The following SLC29A4 variants were observed in gnomAD, a reference collection of about 807,000 sequenced individuals.
SLC29A4 encodes the protein solute carrier family 29 member 4, also known as equilibrative nucleoside transporter 4.
A neutral mutation model predicts 43.9 loss-of-function variants in SLC29A4; 36 were observed. The observed-to-expected ratio is 0.82, with a 90% CI of 0.63 to 1.08. The LOEUF (loss-of-function observed/expected upper bound fraction) is 1.08, where lower values mean the gene tolerates loss of function less well. Among genes scored for constraint, SLC29A4 ranks in the 50% least tolerant of loss-of-function variants. SLC29A4 has a pLI of 0.00. For missense variants in SLC29A4, 869 were observed against 755.3 expected (o/e 1.15, Z -1.77); for synonymous variants, 491 against 338.0 (o/e 1.45, Z -4.97).
rs1422628760 is a variant in SLC29A4 at position 5,296,237 on chromosome 7, C to T, written c.620-699C>T. Among the ~76,000 whole-genome samples, 3 of 152,008 alleles carry T rather than the reference C, an allele frequency of 2.0e-5. No individual in the cohort carries two copies. In the East Asian group the frequency reaches 5.9e-4, roughly 30 times the overall value. ...ACCTCTGCGCGCCCTCTGTTCCATT[C>T]CTTTCTGCCCCCTGCCTGAATCACG... On this transcript the variant is annotated intron_variant, in intron 6 of 10. Transcript: ENST00000396872.
At chr7:5,294,353 T>C (rs1785506432) in intron 5 of SLC29A4, among the ~76,000 whole-genome samples, 1 of 152,204 alleles carries the variant, frequency 6.6e-6, no homozygotes, top group Non-Finnish European at 1.5e-5. Context: ...TAGATCCTGA[T>C]GGATTTCTGG....
chr7:5,297,308 G>T, intron 7 of SLC29A4, 110 bp downstream of exon 7: 1 of 1,272,886 alleles, frequency 7.9e-7, no homozygotes, highest in Non-Finnish European at 1.0e-6. Context: ...CCAGACTGTG[G>T]TCTCCTCCTG....
rs1785934903 is a variant in SLC29A4, at chr7:5,299,037, C to T, written c.932C>T (p.Pro311Leu). 1.9e-6 allele frequency: 3 copies of T among 1,611,990 alleles called. No homozygotes were observed. Among genetic ancestry groups the T allele is most frequent in the South Asian group, 1.1e-5 (1 of 91,052 alleles). The change falls in exon 8 of 11, where the codon CCA becomes CTA. Residue 311 changes from proline (P) to leucine (L), a missense_variant. Transcript: ENST00000396872. ...LAPNESPKDS[P>L]AHEVTGSGGA... ...CCCAACGAGTCCCCAAAGGACAGCC[C>T]AGCCCACGAGGTGACCGGCAGCGGC...
At chr7:5,284,920 G>A (rs1039277603) in intron 1 of SLC29A4, among the ~76,000 whole-genome samples, 2 of 152,208 alleles carry the variant, frequency 1.3e-5, no homozygotes, top group African/African-American at 4.8e-5. Flanking sequence ...TCAGGGCACT[G>A]CACGTCCAGG....
In SLC29A4 at chr7:5,298,957, C is replaced by G. The variant is rs946787748; in HGVS notation, c.883-31C>G. 4 of 1,598,974 alleles carry G rather than the reference C, an allele frequency of 2.5e-6. No individual in the cohort carries two copies. In the African/African-American group the frequency reaches 4.0e-5, roughly 16 times the overall value. ...CGTGTCTCCTGTCCTCCCTTCCACT[C>G]CAACCCCATCCCACTCCATCCTCCC... On this transcript the variant is annotated intron_variant, in intron 7 of 10. Coordinates refer to ENST00000396872, the MANE Select transcript of SLC29A4 (RefSeq NM_153247.4).
chr7:5,290,165 T>G (rs1479209225), intron 2 of SLC29A4, among the ~76,000 whole-genome samples: 1 of 151,898 alleles, frequency 6.6e-6, no homozygotes. Flanking sequence ...GCCATTCTCC[T>G]GCCTCAGCCT....
rs1387461780 is a variant in SLC29A4 at position 5,306,351 on chromosome 7, C to A, written c.*3412C>A. On this transcript the variant is annotated 3_prime_UTR_variant, in exon 11 of 11. Transcript: ENST00000396872. ...CTGGGATTACAGGTGTGGGCCACCA[C>A]ACCCGGCTAATTTTTGTATTTTTAG... 1.3e-5 allele frequency: 2 copies of A among 151,772 alleles called. No homozygotes were observed. Among genetic ancestry groups the A allele is most frequent in the Non-Finnish European group, 2.9e-5 (2 of 67,972 alleles). The allele number at this position is 151,772 out of a possible 1,614,324, so 9.4% of individuals were successfully genotyped here.
Position 5,290,835 on chromosome 7 carries a change from C to T in SLC29A4, c.273C>T (p.Asp91=), listed in dbSNP as rs200542887. Residue 91 remains aspartate (D), a synonymous_variant, in exon 3 of 11, where the codon GAC becomes GAT. Coordinates refer to ENST00000396872, the MANE Select transcript of SLC29A4 (RefSeq NM_153247.4). ...TGCCATACAACAGCTTCATCACGGA[C>T]GTGGACTACCTGCATCACAAGTACC... ...FLLPYNSFIT[D]VDYLHHKYPG... is the part of the protein sequence containing the mutation. The T allele has an allele frequency of 4.9e-5, 79 of 1,613,512 alleles. No individual in the cohort carries two copies. In the Admixed American group the frequency reaches 8.8e-4, roughly 18 times the overall value.
Position 5,296,951 on chromosome 7 carries a change from TG to T in SLC29A4, c.636del (p.Met212IlefsTer4), listed in dbSNP as rs1785722500. ...VMTGESTAGVMISLSRILTKL... is the reference protein window; with the variant it reads ...VMTGESTAGVXISLSRILTKL... ...CGCCCCCCAGGCACGGCGGGCGTGATGATCTCTCTGAGCCGCATCCTCACGA... is the reference window on the plus strand; with the variant it reads ...CGCCCCCCAGGCACGGCGGGCGTGATATCTCTCTGAGCCGCATCCTCACGA... On this transcript the variant is annotated frameshift_variant, in exon 7 of 11. Coordinates refer to ENST00000396872, the MANE Select transcript of SLC29A4 (RefSeq NM_153247.4). LOFTEE classifies it high-confidence loss of function. 1 of 1,567,954 alleles carries T rather than the reference TG, an allele frequency of 6.4e-7. No individual in the cohort carries two copies. Among genetic ancestry groups the T allele is most frequent in the Non-Finnish European group, 8.6e-7 (1 of 1,157,416 alleles).
Position 5,290,701 on chromosome 7 carries a change from G to A in SLC29A4, c.170-31G>A, listed in dbSNP as rs370980296. Reference sequence around the variant, plus strand: ...GTGACTGTAGCCATGCGTGGAGCGTGCCCCGTCTCACCTGGTGTCTCTGGC... The same window carrying A: ...GTGACTGTAGCCATGCGTGGAGCGTACCCCGTCTCACCTGGTGTCTCTGGC... On this transcript the variant is annotated intron_variant, in intron 2 of 10. Coordinates refer to ENST00000396872, the MANE Select transcript of SLC29A4 (RefSeq NM_153247.4). 1.1e-4 allele frequency: 167 copies of A among 1,590,022 alleles called. 2 individuals carry two copies. The Middle Eastern group carries it at 1.5e-3, about 14-fold the overall frequency.
intron 1 of SLC29A4, among the ~76,000 whole-genome samples, chr7:5,284,748 G>A (rs1583642207): frequency 6.6e-6 from 1 of 152,200 alleles, no homozygotes; most frequent in African/African-American, 2.4e-5. Flanking sequence ...CATGGGGACA[G>A]TGGCTGGCCA....
At chr7:5,284,152 G>C (rs1247290711) in intron 1 of SLC29A4, among the ~76,000 whole-genome samples, 1 of 152,070 alleles carries the variant, frequency 6.6e-6, no homozygotes, top group African/African-American at 2.4e-5. Context: ...GGGAGGCCGG[G>C]GCTGAGGGAT....
At chr7:5,292,742 A>G (rs1385607437) in intron 5 of SLC29A4, among the ~76,000 whole-genome samples, 3 of 112,452 alleles carry the variant, frequency 2.7e-5, no homozygotes, top group African/African-American at 1.1e-4. Context: ...TCTGTCGCCC[A>G]GGCTGGAGTG....
At chr7:5,287,373 G>C (rs1257921068) in intron 1 of SLC29A4, among the ~76,000 whole-genome samples, 1 of 150,654 alleles carries the variant, frequency 6.6e-6, no homozygotes, top group South Asian at 2.1e-4. Flanking sequence ...AGTGATGGTT[G>C]CACCACCATA....
chr7:5,287,038 G>A (rs759404860), intron 1 of SLC29A4, among the ~76,000 whole-genome samples: 2 of 152,176 alleles, frequency 1.3e-5, no homozygotes, highest in African/African-American at 4.8e-5. Context: ...CACCTTGGTT[G>A]CTCCCCGGGA....
chr7:5,301,734 G>A (rs532291935), intron 10 of SLC29A4, among the ~76,000 whole-genome samples: 8 of 152,290 alleles, frequency 5.3e-5, no homozygotes, highest in Admixed American at 1.3e-4. Flanking sequence ...CCACAGGACC[G>A]GCTGATGGGT....
intron 2 of SLC29A4, among the ~76,000 whole-genome samples, 198 bp downstream of exon 2, chr7:5,288,183 C>A (rs113755488): frequency 2.0e-5 from 3 of 152,110 alleles, no homozygotes; most frequent in African/African-American, 7.2e-5. Context: ...GCTGCATGTC[C>A]CTGCTGGGGG....
At chr7:5,295,104 T>C (rs1429703401) in intron 6 of SLC29A4, among the ~76,000 whole-genome samples, 170 bp downstream of exon 6, 1 of 151,722 alleles carries the variant, frequency 6.6e-6, no homozygotes. Context: ...TGGCTGGGGG[T>C]AGAAAAGGGG....
intron 5 of SLC29A4, among the ~76,000 whole-genome samples, 177 bp downstream of exon 5, chr7:5,291,998 G>A (rs1386116757): frequency 2.0e-5 from 3 of 152,258 alleles, no homozygotes; most frequent in African/African-American, 2.4e-5. Flanking sequence ...AGGAGCCTGT[G>A]TAGTGTGTCT....
Sources: allele counts gnomAD v4.1 joint callset (sites outside exome capture counted in the v4.1 genomes callset), GRCh38; gene constraint gnomAD v4.1.1; transcripts MANE v1.5; gene names NCBI Gene and HGNC (gene_info 2026-07-23, HGNC 2026-07-21).